The following ZNF578 variants were observed in gnomAD, a reference collection of about 807,000 sequenced individuals.
ZNF578 encodes zinc finger protein 578, also known as Putative chemokine-related protein B42.
Under a neutral mutation model 8.3 loss-of-function variants are expected in ZNF578, and 8 were observed. The observed-to-expected ratio is 0.96, with a 90% CI of 0.56 to 1.74. The LOEUF (loss-of-function observed/expected upper bound fraction) is 1.74. Among genes scored for constraint, ZNF578 ranks in the 40% most tolerant of loss-of-function variants. The pLI, the probability that ZNF578 is intolerant of heterozygous loss-of-function variation, is 0.00. For missense variants in ZNF578, 726 were observed against 707.5 expected (o/e 1.03, Z -0.30); for synonymous variants, 206 against 232.2 (o/e 0.89, Z 1.03).
intron 2 of ZNF578, among the ~76,000 whole-genome samples, chr19:52,462,028 A>G (rs1430363552): frequency 5.9e-5 from 9 of 152,186 alleles, no homozygotes; most frequent in African/African-American, 9.6e-5. Flanking sequence ...ATTAACTGCA[A>G]AAGTCCTCTT....
intron 2 of ZNF578, among the ~76,000 whole-genome samples, chr19:52,490,657 A>G (rs1288534909): frequency 6.8e-6 from 1 of 146,512 alleles, no homozygotes; most frequent in African/African-American, 2.5e-5. Flanking sequence ...TTTTTTTTTG[A>G]GACGGAGTCT....
chr19:52,479,254 G>A (rs564579058), intron 2 of ZNF578, among the ~76,000 whole-genome samples: 4 of 152,078 alleles, frequency 2.6e-5, no homozygotes, highest in African/African-American at 9.6e-5. Context: ...TCTTTCCCAA[G>A]GCCGGGCGCA....
rs1026827241 is a variant in ZNF578 at position 52,513,052 on chromosome 19, C to T, written c.*898C>T. On this transcript the variant is annotated 3_prime_UTR_variant, in exon 6 of 6. Transcript: ENST00000421239. ...TATTATTTTTTGAGATGGAGTGTTGCTCTTGCTGCCCAGGCTAGAGTGCAA... is the reference window on the plus strand; with the variant it reads ...TATTATTTTTTGAGATGGAGTGTTGTTCTTGCTGCCCAGGCTAGAGTGCAA... Among the ~76,000 whole-genome samples, 9 of 152,100 alleles carry T rather than the reference C, an allele frequency of 5.9e-5. No individual in the cohort carries two copies. The highest frequency in any genetic ancestry group is 1.2e-4 in the African/African-American group (5 of 41,420).
chr19:52,503,816 T>TTTTTTTG (rs2059415807), intron 4 of ZNF578, among the ~76,000 whole-genome samples: 2 of 150,826 alleles, frequency 1.3e-5, no homozygotes, highest in Admixed American at 6.6e-5. Context: ...TTTTTTTTTT[T>TTTTTTTG]GAGATGGAGT....
At position 52,510,843 on chromosome 19, in the gene ZNF578, T is replaced by C. The variant is rs754822116; in HGVS notation, c.462T>C (p.Asp154=). 4 of 1,614,198 alleles carry C rather than the reference T, an allele frequency of 2.5e-6. No homozygotes were observed. In the African/African-American group the frequency reaches 5.3e-5, roughly 22 times the overall value. ...QRHAGNKPIK[D]QLGLSFHLHL... ...ATGCTGGAAACAAGCCTATTAAAGA[T>C]CAGCTTGGATTAAGCTTTCATTTGC... Residue 154 remains aspartate (D), a synonymous_variant, in exon 6 of 6, where the codon GAT becomes GAC. Coordinates refer to ENST00000421239, the MANE Select transcript of ZNF578 (RefSeq NM_001099694.2).
At chr19:52,497,348 G>T (rs889237431) in intron 3 of ZNF578, among the ~76,000 whole-genome samples, 1 of 152,024 alleles carries the variant, frequency 6.6e-6, no homozygotes, top group Non-Finnish European at 1.5e-5. Context: ...CGCCCACCTT[G>T]GCCTCCCAAA....
intron 2 of ZNF578, among the ~76,000 whole-genome samples, chr19:52,460,726 G>A (rs779660345): frequency 4.6e-5 from 7 of 152,046 alleles, no homozygotes; most frequent in Admixed American, 1.3e-4. Flanking sequence ...AATCAGTGTC[G>A]TAAGGTTTTC....
At chr19:52,481,836 T>G (rs2122844294) in intron 2 of ZNF578, among the ~76,000 whole-genome samples, 1 of 152,184 alleles carries the variant, frequency 6.6e-6, no homozygotes, top group East Asian at 1.9e-4. Context: ...GCTCAAGCAA[T>G]CCTCCTACTT....
chr19:52,465,009 T>C (rs1323238506), intron 2 of ZNF578, among the ~76,000 whole-genome samples: 2 of 152,204 alleles, frequency 1.3e-5, no homozygotes, highest in Non-Finnish European at 2.9e-5. Flanking sequence ...CACAAGTCAG[T>C]CAGCATGCGC....
intron 4 of ZNF578, among the ~76,000 whole-genome samples, chr19:52,503,800 C>CTTTTTTTTTTTTTTTTTT (rs59166209): frequency 3.2e-5 from 4 of 125,516 alleles, no homozygotes; most frequent in Admixed American, 1.7e-4. Flanking sequence ...CCTGTGTTTG[C>CTTTTTTTTTTTTTTTTTT]TTTTTTTTTT....
intron 2 of ZNF578, among the ~76,000 whole-genome samples, chr19:52,484,408 G>C (rs183547329): frequency 8.5e-5 from 13 of 152,192 alleles, no homozygotes; most frequent in Admixed American, 2.0e-4. Flanking sequence ...TACGGGTGTC[G>C]GGCTAGGGGA....
At chr19:52,500,058 A>G (rs1013078835) in intron 3 of ZNF578, among the ~76,000 whole-genome samples, 1 of 152,114 alleles carries the variant, frequency 6.6e-6, no homozygotes. Context: ...CCTCAGCTGC[A>G]AGTGACAAGC....
intron 2 of ZNF578, among the ~76,000 whole-genome samples, chr19:52,485,192 G>T (rs1371088834): frequency 6.6e-6 from 1 of 152,008 alleles, no homozygotes; most frequent in African/African-American, 2.4e-5. Context: ...TATCTTGCTT[G>T]TTCTGTGTGA....
chr19:52,480,900 G>GATAATAATAATAATA (rs57989857), intron 2 of ZNF578, among the ~76,000 whole-genome samples: 2 of 139,340 alleles, frequency 1.4e-5, no homozygotes, highest in African/African-American at 2.6e-5. Flanking sequence ...CATCTCAAAA[G>GATAATAATAATAATA]ATAATAATAA....
intron 2 of ZNF578, among the ~76,000 whole-genome samples, chr19:52,469,498 G>A (rs1158636595): frequency 1.3e-5 from 2 of 152,050 alleles, no homozygotes; most frequent in Non-Finnish European, 2.9e-5. Context: ...TCCTTAGTTG[G>A]TTTAGGGGCT....
In ZNF578 at chr19:52,504,171, G is replaced by T. The variant is rs1599912106; in HGVS notation, c.64-484G>T. Among the ~76,000 whole-genome samples the T allele has an allele frequency of 2.1e-5, 3 of 142,978 alleles. 1 individual carries two copies. In the Admixed American group the frequency reaches 2.3e-4, roughly 11 times the overall value. 93.8% of individuals were successfully genotyped at this position (142,978 alleles called of 152,430 possible). On this transcript the variant is annotated intron_variant, in intron 4 of 5. Coordinates refer to ENST00000421239, the MANE Select transcript of ZNF578 (RefSeq NM_001099694.2). ...AGTGGTGCGATCTTGGCTCACTGCG[G>T]CCTCCATCTCCTGACTTCAAGTGAT...
At position 52,512,217 on chromosome 19, in the gene ZNF578, C is replaced by T; in HGVS notation, c.*63C>T. On this transcript the variant is annotated 3_prime_UTR_variant, in exon 6 of 6. Transcript: ENST00000421239. ...TGTGACAAAGTTTTCAGTCACAGAT[C>T]ACGCCTTAAAAGACATAGGAGAATT... 1 of 1,605,102 alleles carries T rather than the reference C, an allele frequency of 6.2e-7. No homozygotes were observed.
chr19:52,511,217 G>A lies in ZNF578; in HGVS notation c.836G>A (p.Arg279Lys). 1.2e-6 allele frequency: 2 copies of A among 1,614,204 alleles called. No individual in the cohort carries two copies. Among genetic ancestry groups the A allele is most frequent in the Non-Finnish European group, 1.7e-6 (2 of 1,180,036 alleles). The change falls in exon 6 of 6, where the codon AGA becomes AAA. Residue 279 changes from arginine to lysine, a missense_variant. By Grantham distance (26) the Arg-to-Lys change is conservative. Coordinates refer to ENST00000421239, the MANE Select transcript of ZNF578 (RefSeq NM_001099694.2). ...AAGCGATACCTTGCACGCCATCGTA[G>A]ATGTCACACTAGTGAGAAACCTTAC... is the stretch of plus-strand genomic sequence containing the variant. ...NEKRYLARHR[R>K]CHTSEKPYKC... is the part of the protein sequence containing the mutation.
intron 4 of ZNF578, among the ~76,000 whole-genome samples, chr19:52,502,202 A>G (rs2059410421): frequency 3.3e-5 from 5 of 152,074 alleles, no homozygotes; most frequent in Admixed American, 3.3e-4. Context: ...GGGCCCGTTG[A>G]TGTCATTGCT....
Sources: allele counts gnomAD v4.1 joint callset (sites outside exome capture counted in the v4.1 genomes callset), GRCh38; gene constraint gnomAD v4.1.1; transcripts MANE v1.5; gene names NCBI Gene and HGNC (gene_info 2026-07-23, HGNC 2026-07-21).